Variants in PTCHD4 observed in about 807,000 individuals in gnomAD.
The protein encoded by PTCHD4 is patched domain-containing protein 4.
In PTCHD4, 33 loss-of-function variants were observed where a neutral mutation model predicts 58.1. The ratio of observed to expected loss-of-function variants is 0.57; its 90% CI spans 0.43 to 0.76. PTCHD4 has a LOEUF of 0.76. PTCHD4 is among the 30% of genes least tolerant of loss of function. The pLI is 0.00. For missense variants in PTCHD4, 1,058 were observed against 1,027.1 expected, an observed-to-expected ratio of 1.03 and a Z score of -0.41; for synonymous variants, 478 against 409.6, an observed-to-expected ratio of 1.17 and a Z score of -2.02.
At chr6:47,941,057 C>T (rs1766200136) in intron 4 of PTCHD4, among the ~76,000 whole-genome samples, 1 of 152,154 alleles carries the variant, frequency 6.6e-6, no homozygotes, top group South Asian at 2.1e-4. Context: ...CCTTAGCTTC[C>T]AGCATGCCTG....
chr6:48,108,187 A>T (rs761340450), intron 1 of PTCHD4, among the ~76,000 whole-genome samples: 12 of 152,218 alleles, frequency 7.9e-5, no homozygotes, highest in Non-Finnish European at 1.6e-4. Flanking sequence ...AATAGCAAAG[A>T]CTTGGAACCA....
chr6:47,990,872 A>C (rs1207925430), intron 4 of PTCHD4, among the ~76,000 whole-genome samples: 1 of 152,222 alleles, frequency 6.6e-6, no homozygotes, highest in Non-Finnish European at 1.5e-5. Flanking sequence ...TTAAAATTTA[A>C]TGAATATGTT....
intron 4 of PTCHD4, among the ~76,000 whole-genome samples, chr6:47,884,985 A>G (rs1764137042): frequency 6.6e-6 from 1 of 152,332 alleles, no homozygotes; most frequent in Non-Finnish European, 1.5e-5. Context: ...GCTCACTGCT[A>G]TAGCGAGCTG....
At chr6:47,950,497 A>G (rs1766601463) in intron 4 of PTCHD4, among the ~76,000 whole-genome samples, 1 of 152,214 alleles carries the variant, frequency 6.6e-6, no homozygotes, top group Non-Finnish European at 1.5e-5. Flanking sequence ...ATGAGGATAA[A>G]GAATCCAAGG....
intron 4 of PTCHD4, among the ~76,000 whole-genome samples, chr6:47,991,763 T>C (rs1322179908): frequency 6.6e-6 from 1 of 152,042 alleles, no homozygotes; most frequent in African/African-American, 2.4e-5. Context: ...TAATTTTAGA[T>C]TTCCTAAATA....
intron 4 of PTCHD4, among the ~76,000 whole-genome samples, chr6:48,002,341 A>G (rs999586831): frequency 6.6e-6 from 1 of 152,184 alleles, no homozygotes; most frequent in Non-Finnish European, 1.5e-5. Flanking sequence ...TCACAATAGC[A>G]AAGACTTGGA....
At chr6:47,987,037 T>C (rs1768091628) in intron 4 of PTCHD4, among the ~76,000 whole-genome samples, 1 of 152,062 alleles carries the variant, frequency 6.6e-6, no homozygotes, top group Admixed American at 6.6e-5. Context: ...AATGTAATAA[T>C]TGATCTACAG....
At chr6:48,037,688 A>C (rs1158840668) in intron 3 of PTCHD4, among the ~76,000 whole-genome samples, 1 of 152,152 alleles carries the variant, frequency 6.6e-6, no homozygotes, top group African/African-American at 2.4e-5. Flanking sequence ...CAAAAACATC[A>C]CTCAGACTAT....
chr6:48,099,941 T>C (rs1336629633), intron 1 of PTCHD4, among the ~76,000 whole-genome samples: 1 of 152,230 alleles, frequency 6.6e-6, no homozygotes, highest in Non-Finnish European at 1.5e-5. Context: ...TTACTGGCCA[T>C]ATTAATGAAA....
At chr6:48,069,996 C>G (rs1054102183) in intron 1 of PTCHD4, among the ~76,000 whole-genome samples, 70 bp from the exon 2 acceptor site, 1 of 152,098 alleles carries the variant, frequency 6.6e-6, no homozygotes, top group African/African-American at 2.4e-5. Flanking sequence ...CAGTGAACCT[C>G]CTTCACTGTA....
chr6:47,956,908 A>G (rs906647936), intron 4 of PTCHD4, among the ~76,000 whole-genome samples: 1 of 152,112 alleles, frequency 6.6e-6, no homozygotes, highest in African/African-American at 2.4e-5. Flanking sequence ...TCATGCCTGT[A>G]ATCCTAGCAC....
At chr6:47,912,747 C>A (rs554557336) in intron 4 of PTCHD4, among the ~76,000 whole-genome samples, 3 of 152,056 alleles carry the variant, frequency 2.0e-5, no homozygotes, top group East Asian at 1.9e-4. Context: ...TAATATAATT[C>A]ATTGAACTAT....
intron 4 of PTCHD4, among the ~76,000 whole-genome samples, chr6:47,944,987 A>T (rs957276558): frequency 6.6e-6 from 1 of 152,144 alleles, no homozygotes; most frequent in African/African-American, 2.4e-5. Context: ...TGCATCCAGA[A>T]GAAATCATCA....
intron 4 of PTCHD4, among the ~76,000 whole-genome samples, chr6:47,968,723 A>T (rs761374833): frequency 7.6e-4 from 116 of 152,270 alleles, no homozygotes; most frequent in Middle Eastern, 3.4e-3. Flanking sequence ...GTGGACAGGA[A>T]AATATGTCTT....
chr6:47,924,572 A>G (rs1561959823), intron 4 of PTCHD4, among the ~76,000 whole-genome samples: 1 of 152,104 alleles, frequency 6.6e-6, no homozygotes, highest in Non-Finnish European at 1.5e-5. Context: ...TCTCCCTTAT[A>G]GACGTGTAAG....
rs930152994 is a variant in PTCHD4, at chr6:47,875,207, G to C, written c.*3096C>G. ...TCTAGGAGTTGATTGGTCATCTGCT[G>C]ACAACAGATAAGTTCCTAATTTGAA... is the stretch of plus-strand genomic sequence containing the variant. On this transcript the variant is annotated 3_prime_UTR_variant, in exon 5 of 5. Coordinates refer to ENST00000339488, the MANE Select transcript of PTCHD4 (RefSeq NM_001384253.1). 6.6e-6 allele frequency among the ~76,000 whole-genome samples: 1 copy of C among 151,778 alleles called. No individual in the cohort carries two copies. Among genetic ancestry groups the C allele is most frequent in the Admixed American group, 6.6e-5 (1 of 15,188 alleles).
In PTCHD4 at chr6:47,863,053, C is replaced by A. The variant is rs998872673; in HGVS notation, c.*15250G>T. Among the ~76,000 whole-genome samples, 1 of 151,818 alleles carries A rather than the reference C, an allele frequency of 6.6e-6. No individual in the cohort carries two copies. Among genetic ancestry groups the A allele is most frequent in the African/African-American group, 2.4e-5 (1 of 41,422 alleles). On this transcript the variant is annotated 3_prime_UTR_variant, in exon 5 of 5. Coordinates refer to ENST00000339488, the MANE Select transcript of PTCHD4 (RefSeq NM_001384253.1). The stretch of plus-strand genomic sequence containing the variant: ...GTAGCATTTCGTGATAATATAGGAA[C>A]AAAAAGATCTTCAAATTCTCTGGGC...
intron 4 of PTCHD4, among the ~76,000 whole-genome samples, chr6:48,001,485 C>T (rs890248862): frequency 7.9e-5 from 12 of 152,138 alleles, no homozygotes; most frequent in Admixed American, 3.3e-4. Flanking sequence ...CTTTGACAAA[C>T]GTGACAAAAA....
chr6:47,887,747 G>A (rs993821033), intron 4 of PTCHD4, among the ~76,000 whole-genome samples: 6 of 152,280 alleles, frequency 3.9e-5, no homozygotes, highest in Admixed American at 6.5e-5. Context: ...GTGATGATCA[G>A]TGTGTATTTG....
Sources: allele counts gnomAD v4.1 joint callset (sites outside exome capture counted in the v4.1 genomes callset), GRCh38; gene constraint gnomAD v4.1.1; transcripts MANE v1.5; gene names NCBI Gene and HGNC (gene_info 2026-07-23, HGNC 2026-07-21).